The following SMG1 variants were observed in gnomAD, a reference collection of about 807,000 sequenced individuals.
SMG1 encodes SMG1 nonsense mediated mRNA decay associated PI3K related kinase, also known as serine/threonine-protein kinase SMG1.
Under a neutral mutation model 419.9 loss-of-function variants are expected in SMG1, and 22 were observed. The ratio of observed to expected loss-of-function variants is 0.05; its 90% CI spans 0.04 to 0.07. The LOEUF is 0.07. Among genes scored for constraint, SMG1 ranks in the 10% least tolerant of loss-of-function variants. The pLI is 1.00. For synonymous variants in SMG1, 1,538 were observed against 1,553.5 expected (o/e 0.99, Z 0.23); for missense variants, 3,185 against 4,342.0 (o/e 0.73, Z 7.49).
intron 11 of SMG1, chr16:18,878,069 T>C (rs1200890317): frequency 6.6e-6 from 1 of 152,164 alleles, no homozygotes; most frequent in Non-Finnish European, 1.5e-5. Context: ...CTTCAGAATG[T>C]CCATAATAAA....
intron 60 of SMG1, among the ~76,000 whole-genome samples, chr16:18,814,028 T>TAA (rs1308299254): frequency 5.9e-5 from 1 of 16,948 alleles, no homozygotes; most frequent in Admixed American, 7.8e-4. Flanking sequence ...GAGACTCATC[T>TAA]CAAAAAAAAA....
intron 3 of SMG1, among the ~76,000 whole-genome samples, chr16:18,895,044 C>G (rs547287295): frequency 6.6e-6 from 1 of 151,890 alleles, no homozygotes; most frequent in African/African-American, 2.4e-5. Context: ...GTCTCGATCT[C>G]CTGACCTCGT....
chr16:18,899,889 GA>G (rs992243473), intron 1 of SMG1: 87 of 668,810 alleles, frequency 1.3e-4, no homozygotes, highest in South Asian at 2.2e-4. Flanking sequence ...ATCATGGAGA[GA>G]AAAAAAAAGA....
intron 48 of SMG1, 70 bp from the exon 49 acceptor site, chr16:18,835,234 T>C: frequency 6.9e-7 from 1 of 1,444,098 alleles, no homozygotes; most frequent in East Asian, 2.3e-5. Flanking sequence ...ATATTGCATT[T>C]AATCCTCAAA....
chr16:18,854,627 A>G (rs1342328425), intron 30 of SMG1, 29 bp downstream of exon 30: 2 of 1,584,958 alleles, frequency 1.3e-6, no homozygotes, highest in South Asian at 2.3e-5. Context: ...TATTATACTC[A>G]TGTATTAACC....
intron 1 of SMG1, among the ~76,000 whole-genome samples, chr16:18,908,464 G>C: frequency 7.8e-6 from 1 of 127,862 alleles, no homozygotes; most frequent in Non-Finnish European, 1.6e-5. Context: ...GTAACAGAGC[G>C]AGACTCCGTC....
At chr16:18,828,417 T>C (rs76197962) in intron 54 of SMG1, among the ~76,000 whole-genome samples, 187 of 152,282 alleles carry the variant, frequency 1.2e-3, no homozygotes, top group African/African-American at 4.3e-3. Flanking sequence ...AAATAGTAAT[T>C]CTGAAGATGT....
intron 9 of SMG1, among the ~76,000 whole-genome samples, chr16:18,882,973 A>C (rs186452158): frequency 6.6e-6 from 1 of 152,344 alleles, no homozygotes; most frequent in East Asian, 1.9e-4. Context: ...ATGAGAGGTA[A>C]ATCAGCTTTA....
chr16:18,816,558 C>G (rs374315487), intron 57 of SMG1, 29 bp from the exon 58 acceptor site: 17 of 1,571,272 alleles, frequency 1.1e-5, no homozygotes, highest in Admixed American at 6.9e-5. Context: ...TGTTTGACTT[C>G]GAGTATCAGC....
rs1596463096 is a variant in SMG1, at chr16:18,817,473, G to A, written c.9895-3C>T. On this transcript the variant is annotated splice_region_variant and splice_polypyrimidine_tract_variant and intron_variant, in intron 56 of 62. Coordinates refer to ENST00000446231, the MANE Select transcript of SMG1 (RefSeq NM_015092.5). ...ATATTGCTGCAGAGAAATGTGACCT[G>A]TAAAGACAGAAATGGAACCACAAGA... 4 of 1,563,408 alleles carry A rather than the reference G, an allele frequency of 2.6e-6. No homozygotes were observed. Among genetic ancestry groups the A allele is most frequent in the Non-Finnish European group, 3.5e-6 (4 of 1,152,590 alleles).
chr16:18,917,933 C>G (rs149969462), intron 1 of SMG1, among the ~76,000 whole-genome samples: 1 of 151,866 alleles, frequency 6.6e-6, no homozygotes, highest in African/African-American at 2.4e-5. Flanking sequence ...GCCACTCTCC[C>G]GCAGCTAATA....
At chr16:18,914,351 T>C (rs1217750147) in intron 1 of SMG1, among the ~76,000 whole-genome samples, 2 of 152,048 alleles carry the variant, frequency 1.3e-5, no homozygotes, top group South Asian at 4.1e-4. Context: ...CGAAAATTAA[T>C]ATGAAAGAAG....
At chr16:18,821,224 TTTTTTTTTTTTTTTTTCTTTTTTTTTTC>T (rs1325580753) in intron 55 of SMG1, among the ~76,000 whole-genome samples, 2 of 30,642 alleles carry the variant, frequency 6.5e-5, no homozygotes, top group Non-Finnish European at 8.4e-5. Flanking sequence ...TATGTTTCTT[TTTTTTTTTTTTTTTTTCTTTTTTTTTTC>T]TTTTTTTTTT....
At chr16:18,822,439 G>GT (rs2032621452) in intron 55 of SMG1, among the ~76,000 whole-genome samples, 1 of 56,348 alleles carries the variant, frequency 1.8e-5, no homozygotes, top group East Asian at 3.5e-4. Flanking sequence ...TGTATAAGGT[G>GT]TAAGGAAGGG....
At position 18,830,245 on chromosome 16, in the gene SMG1, T is replaced by C. The variant is rs1217831943; in HGVS notation, c.8917A>G (p.Thr2973Ala). The C allele has an allele frequency of 1.9e-6, 3 of 1,613,840 alleles. No homozygotes were observed. The highest frequency in any genetic ancestry group is 2.5e-6 in the Non-Finnish European group (3 of 1,179,872). The part of the protein sequence containing the change: ...AFDGMFAQVE[T>A]AFSLLVEKLN... The stretch of plus-strand genomic sequence containing the variant: ...TTTTCAACTAATAAGCTGAAAGCAG[T>C]TTCAACTTGAGCAAACATGCCATCG... The change falls in exon 52 of 63, where the codon ACT (threonine) becomes GCT (alanine). Residue 2973 changes from threonine to alanine, a missense_variant. This residue lies in a region of SMG1 where 737 missense variants were observed against 846.6 expected (regional missense o/e 0.87). Coordinates refer to ENST00000446231, the MANE Select transcript of SMG1 (RefSeq NM_015092.5).
intron 1 of SMG1, among the ~76,000 whole-genome samples, chr16:18,908,296 C>T (rs3892602): frequency 0.19 from 27,624 of 148,500 alleles, 2,617 homozygotes; most frequent in Middle Eastern, 0.26. Context: ...TACCCAGAGG[C>T]GGAGGTTGCA....
intron 1 of SMG1, among the ~76,000 whole-genome samples, chr16:18,922,413 A>G (rs2038231885): frequency 6.6e-6 from 1 of 152,164 alleles, no homozygotes; most frequent in Non-Finnish European, 1.5e-5. Context: ...TCTCAACTTT[A>G]CGCTTGAGGA....
Position 18,829,641 on chromosome 16 carries a change from T to C in SMG1, c.9248A>G (p.Lys3083Arg), listed in dbSNP as rs1041226755. Residue 3083 changes from lysine to arginine, a missense_variant, in exon 54 of 63, where the codon AAG becomes AGG. This residue lies in a region of SMG1 where 737 missense variants were observed against 846.6 expected (regional missense o/e 0.87). Coordinates refer to ENST00000446231, the MANE Select transcript of SMG1 (RefSeq NM_015092.5). Reference sequence around the variant, plus strand: ...CCTCACAAAGTCAGCTGTGAATGCCTTGATAGGTTTGGCCATTTGGTCTTC... The same window carrying C: ...CCTCACAAAGTCAGCTGTGAATGCCCTGATAGGTTTGGCCATTTGGTCTTC... ...FSEDQMAKPIKAFTADFVRQL... is the reference protein window; with the variant it reads ...FSEDQMAKPIRAFTADFVRQL... 1 of 1,614,030 alleles carries C rather than the reference T, an allele frequency of 6.2e-7. No individual in the cohort carries two copies. The highest frequency in any genetic ancestry group is 8.5e-7 in the Non-Finnish European group (1 of 1,179,900).
In SMG1 at chr16:18,816,528, T is replaced by C. The variant is rs1567314495; in HGVS notation, c.10076A>G (p.Asp3359Gly). Reference protein sequence around the residue: ...ELELRLLQRVDTGLEHPIGSS... With the variant: ...ELELRLLQRVGTGLEHPIGSS... ...GCCAATAGGATGTTCAAGACCAGTG[T>C]CCTAAATAGAACAAGCATTTGTTTG... is the stretch of plus-strand genomic sequence containing the variant. The change falls in exon 58 of 63, where the codon GAC becomes GGC. Residue 3359 changes from aspartate (D) to glycine (G), a missense_variant and splice_region_variant. Around this residue, in one of 27 missense-constraint regions of SMG1, gnomAD observed 737 missense variants for 846.6 expected, o/e 0.87. Coordinates refer to ENST00000446231, the MANE Select transcript of SMG1 (RefSeq NM_015092.5). The C allele has an allele frequency of 6.2e-7, 1 of 1,612,918 alleles. No homozygotes were observed. The highest frequency in any genetic ancestry group is 1.7e-5 in the Admixed American group (1 of 59,844).
Sources: gnomAD v4.1 joint callset for allele counts (sites outside exome capture counted in the v4.1 genomes callset) on GRCh38, gnomAD v4.1.1 for gene constraint, gnomAD v4.1.1 regional missense constraint, MANE v1.5 for transcripts, NCBI Gene and HGNC (gene_info 2026-07-23, HGNC 2026-07-21) for gene names.